The following CSMD1 variants were observed in gnomAD, a reference collection of about 807,000 sequenced individuals.
CSMD1 encodes CUB and sushi domain-containing protein 1.
A neutral mutation model predicts 417.5 loss-of-function variants in CSMD1; 213 were observed. The ratio of observed to expected loss-of-function variants is 0.51; its 90% CI spans 0.46 to 0.57. CSMD1 has a LOEUF of 0.57. Ranked by LOEUF, CSMD1 falls within the 20% of genes least tolerant of loss-of-function variation. The probability of loss-of-function intolerance (pLI) is 0.00; values close to 1 mark genes in which losing one functional copy is unlikely to be tolerated. For missense variants in CSMD1, 6,923 were observed against 4,529.7 expected (o/e 1.53, Z -15.17); for synonymous variants, 2,862 against 1,736.8 (o/e 1.65, Z -16.11).
intron 25 of CSMD1, among the ~76,000 whole-genome samples, chr8:3,287,901 C>G (rs951956129): frequency 6.9e-6 from 1 of 144,136 alleles, no homozygotes; most frequent in Non-Finnish European, 1.5e-5. Flanking sequence ...GGGAATGCTT[C>G]CAGTTTTTGC....
intron 3 of CSMD1, among the ~76,000 whole-genome samples, chr8:4,057,155 G>C (rs1301520725): frequency 1.3e-5 from 2 of 152,148 alleles, no homozygotes; most frequent in Non-Finnish European, 2.9e-5. Flanking sequence ...CCCACCAACA[G>C]TGTAGTGTTC....
chr8:3,223,134 T>C (rs1359035227), intron 28 of CSMD1, among the ~76,000 whole-genome samples: 1 of 152,054 alleles, frequency 6.6e-6, no homozygotes, highest in Non-Finnish European at 1.5e-5. Flanking sequence ...CATATACTAA[T>C]AATATAATTA....
intron 3 of CSMD1, among the ~76,000 whole-genome samples, chr8:4,282,205 G>C (rs1354281656): frequency 6.6e-6 from 1 of 152,136 alleles, no homozygotes; most frequent in African/African-American, 2.4e-5. Flanking sequence ...GATTTTTTGT[G>C]AAAATAAACA....
intron 49 of CSMD1, among the ~76,000 whole-genome samples, chr8:3,067,741 C>G (rs1813036071): frequency 6.6e-6 from 1 of 151,352 alleles, no homozygotes; most frequent in Non-Finnish European, 1.5e-5. Flanking sequence ...TAGTTTATAT[C>G]AAATATTAAT....
chr8:3,618,988 T>C (rs769728510), intron 7 of CSMD1, among the ~76,000 whole-genome samples: 33 of 152,204 alleles, frequency 2.2e-4, no homozygotes, highest in African/African-American at 2.9e-4. Flanking sequence ...GGCGGCATAA[T>C]TGGGATCTCT....
At chr8:3,225,602 T>G (rs1423157589) in intron 27 of CSMD1, among the ~76,000 whole-genome samples, 1 of 152,080 alleles carries the variant, frequency 6.6e-6, no homozygotes, top group Non-Finnish European at 1.5e-5. Flanking sequence ...AGATGAAAAA[T>G]GACAGATTCA....
intron 1 of CSMD1, among the ~76,000 whole-genome samples, chr8:4,831,767 T>C (rs954337388): frequency 6.6e-6 from 1 of 152,172 alleles, no homozygotes; most frequent in Non-Finnish European, 1.5e-5. Flanking sequence ...CCTACAACTT[T>C]AGGGAGATGA....
At position 4,226,951 on chromosome 8, in the gene CSMD1, C is replaced by G. The variant is rs183521948; in HGVS notation, c.415+193002G>C. Among the ~76,000 whole-genome samples, 240 of 152,244 alleles carry G rather than the reference C, an allele frequency of 1.6e-3. 1 individual carries two copies. The highest frequency in any genetic ancestry group is 5.4e-3 in the African/African-American group (224 of 41,552). On this transcript the variant is annotated intron_variant, in intron 3 of 69. Coordinates refer to ENST00000635120, the MANE Select transcript of CSMD1 (RefSeq NM_033225.6). ...GTTTTTATTTCATAAGGCTGCTTAA[C>G]AGTTTTACTTTAGTTTGGAGAAGCA...
At chr8:3,193,545 A>T (rs895292954) in intron 33 of CSMD1, among the ~76,000 whole-genome samples, 9 of 151,810 alleles carry the variant, frequency 5.9e-5, no homozygotes, top group Admixed American at 2.0e-4. Context: ...TCACCTGGAC[A>T]TTTCAGACGG....
At position 4,994,569 on chromosome 8, in the gene CSMD1, T is replaced by G; in HGVS notation, c.-153A>C. ...GCGCATCCGACGCCTCCTGAAGGTC[T>G]GGGCGCCCGGCTCGCTTCCCTCTCA... On this transcript the variant is annotated 5_prime_UTR_variant, in exon 1 of 70. Coordinates refer to ENST00000635120, the MANE Select transcript of CSMD1 (RefSeq NM_033225.6). The G allele has an allele frequency of 1.5e-6, 1 of 667,554 alleles. No individual in the cohort carries two copies. The highest frequency in any genetic ancestry group is 1.8e-5 in the South Asian group (1 of 55,960). The allele number at this position is 667,554 out of a possible 1,614,324, so 41.4% of individuals were successfully genotyped here.
intron 3 of CSMD1, among the ~76,000 whole-genome samples, chr8:4,285,442 G>T (rs1018043276): frequency 1.3e-5 from 2 of 152,164 alleles, no homozygotes; most frequent in Admixed American, 6.5e-5. Context: ...CTAGACAAGG[G>T]TATTAGTTCA....
At chr8:4,104,731 G>C (rs1326427696) in intron 3 of CSMD1, among the ~76,000 whole-genome samples, 1 of 152,334 alleles carries the variant, frequency 6.6e-6, no homozygotes, top group East Asian at 1.9e-4. Flanking sequence ...AGAGGAACTA[G>C]GTCAGAGCCC....
chr8:3,644,200 G>A (rs1797458894), intron 7 of CSMD1, among the ~76,000 whole-genome samples: 1 of 152,222 alleles, frequency 6.6e-6, no homozygotes, highest in Non-Finnish European at 1.5e-5. Flanking sequence ...TAGGGGCGGG[G>A]CTCAGAAATC....
chr8:4,148,763 C>A (rs1359985035), intron 3 of CSMD1, among the ~76,000 whole-genome samples: 2 of 152,098 alleles, frequency 1.3e-5, no homozygotes, highest in Admixed American at 1.3e-4. Context: ...ATCCTAATGC[C>A]ATCACCCTGA....
chr8:3,409,691 C>A (rs2116913534), intron 12 of CSMD1, 86 bp from the exon 13 acceptor site: 1 of 1,036,756 alleles, frequency 9.6e-7, no homozygotes, highest in African/African-American at 1.6e-5. Context: ...AAATACGTGG[C>A]TTCTTTTTGC....
chr8:3,909,841 T>C (rs1283139570), intron 5 of CSMD1, among the ~76,000 whole-genome samples: 1 of 152,188 alleles, frequency 6.6e-6, no homozygotes, highest in Non-Finnish European at 1.5e-5. Flanking sequence ...AAGCACCACG[T>C]ATGTCCTGCT....
At chr8:4,067,767 G>A (rs554722205) in intron 3 of CSMD1, among the ~76,000 whole-genome samples, 17 of 152,192 alleles carry the variant, frequency 1.1e-4, no homozygotes, top group Admixed American at 5.2e-4. Flanking sequence ...TTGTATGAAC[G>A]TTTTCCTGTA....
intron 2 of CSMD1, among the ~76,000 whole-genome samples, chr8:4,436,963 G>C (rs1354750608): frequency 6.6e-6 from 1 of 152,142 alleles, no homozygotes; most frequent in East Asian, 1.9e-4. Context: ...AGAGTGTACA[G>C]TGCTGCAATT....
chr8:3,741,122 G>C (rs1167768797), intron 6 of CSMD1, among the ~76,000 whole-genome samples: 3 of 146,096 alleles, frequency 2.1e-5, no homozygotes, highest in African/African-American at 5.0e-5. Flanking sequence ...TTTGAGGCAA[G>C]AGAATCACTT....
Sources: gnomAD v4.1 joint callset for allele counts (sites outside exome capture counted in the v4.1 genomes callset) on GRCh38, gnomAD v4.1.1 for gene constraint, MANE v1.5 for transcripts, NCBI Gene and HGNC (gene_info 2026-07-23, HGNC 2026-07-21) for gene names.